Variants in SFMBT2 observed in about 807,000 individuals in gnomAD.
The protein encoded by SFMBT2 is scm-like with four MBT domains protein 2.
In SFMBT2, 38 loss-of-function variants were observed where a neutral mutation model predicts 110.1. The observed-to-expected ratio is 0.35, with a 90% CI of 0.27 to 0.45. The LOEUF (loss-of-function observed/expected upper bound fraction) is 0.45. Among genes scored for constraint, SFMBT2 ranks in the 20% least tolerant of loss-of-function variants. SFMBT2 has a pLI of 1.00. For missense variants in SFMBT2, 1,011 were observed against 1,094.9 expected (o/e 0.92, Z 1.08); for synonymous variants, 425 against 425.4 (o/e 1.00, Z 0.01).
In SFMBT2 at chr10:7,367,694, C is replaced by G; in HGVS notation, c.391G>C (p.Val131Leu). 1 of 1,613,882 alleles carries G rather than the reference C, an allele frequency of 6.2e-7. No homozygotes were observed. Among genetic ancestry groups the G allele is most frequent in the Non-Finnish European group, 8.5e-7 (1 of 1,180,044 alleles). ...CDVVIADLHPVGWCTQNNKVL... is the reference protein window; with the variant it reads ...CDVVIADLHPLGWCTQNNKVL... Reference sequence around the variant, plus strand: ...TTGTTGTTCTGTGTGCACCACCCCACGGGGTGCAAATCCGCGATGACTACG... The same window carrying G: ...TTGTTGTTCTGTGTGCACCACCCCAGGGGGTGCAAATCCGCGATGACTACG... The change falls in exon 4 of 21, where the codon GTG (valine) becomes CTG (leucine). Residue 131 changes from valine to leucine, a missense_variant. Around this residue, in one of 2 missense-constraint regions of SFMBT2, gnomAD observed 979 missense variants for 1,016.1 expected, o/e 0.96. Transcript: ENST00000397167. The surrounding 1 kb of genome is among the most constrained non-coding windows in gnomAD (Gnocchi z 6.2).
chr10:7,313,937 C>A (rs752174523), intron 4 of SFMBT2, among the ~76,000 whole-genome samples: 23 of 152,160 alleles, frequency 1.5e-4, no homozygotes, highest in Non-Finnish European at 2.4e-4. Context: ...AGCTTTTCTG[C>A]AGTTATTTCT....
intron 4 of SFMBT2, among the ~76,000 whole-genome samples, chr10:7,315,967 A>G (rs1842999930): frequency 6.6e-6 from 1 of 152,212 alleles, no homozygotes; most frequent in South Asian, 2.1e-4. Context: ...GCTAATCTAT[A>G]CAACACAGGG....
chr10:7,384,465 A>T (rs1281571246), intron 1 of SFMBT2, among the ~76,000 whole-genome samples: 3 of 114,434 alleles, frequency 2.6e-5, no homozygotes, highest in Non-Finnish European at 5.2e-5. Context: ...TGAAAATGAA[A>T]TTTTTTAAAT....
chr10:7,213,222 C>G (rs984349484), intron 11 of SFMBT2, among the ~76,000 whole-genome samples: 1 of 146,060 alleles, frequency 6.8e-6, no homozygotes, highest in African/African-American at 2.6e-5. Flanking sequence ...GTTCTGCACA[C>G]GTATCCCAGA....
At chr10:7,358,719 A>AATGAAGGCC (rs2132031038) in intron 4 of SFMBT2, among the ~76,000 whole-genome samples, 1 of 151,504 alleles carries the variant, frequency 6.6e-6, no homozygotes, top group Non-Finnish European at 1.5e-5. Context: ...GAATGAAGGC[A>AATGAAGGCC]TGGCTCTTGA....
chr10:7,391,251 A>G (rs1241422633), intron 1 of SFMBT2, among the ~76,000 whole-genome samples: 2 of 151,924 alleles, frequency 1.3e-5, no homozygotes, highest in Non-Finnish European at 2.9e-5. Context: ...GTGGATCACG[A>G]GGTCAGGAGT....
intron 20 of SFMBT2, among the ~76,000 whole-genome samples, chr10:7,168,571 C>T (rs114973204): frequency 0.014 from 2,072 of 152,312 alleles, 44 homozygotes; most frequent in African/African-American, 0.048. Context: ...GCGTGATCAG[C>T]GCAACCAAAC....
rs1441172547 is a variant in SFMBT2, at chr10:7,381,934, C to T, written c.-36G>A. 2 of 1,521,744 alleles carry T rather than the reference C, an allele frequency of 1.3e-6. No homozygotes were observed. Among genetic ancestry groups the T allele is most frequent in the South Asian group, 1.3e-5 (1 of 76,042 alleles). 94.3% of individuals were successfully genotyped at this position (1,521,744 alleles called of 1,614,324 possible). A position where few individuals can be genotyped will look rare whatever the true frequency, so the allele number is the denominator to read the frequency against. Reference sequence around the variant, plus strand: ...CAAGTGTCTCTTCTCTTAATTCATCCTGCAGAAAAAATTACCTAAGAGCAA... The same window carrying T: ...CAAGTGTCTCTTCTCTTAATTCATCTTGCAGAAAAAATTACCTAAGAGCAA... On this transcript the variant is annotated 5_prime_UTR_variant, in exon 2 of 21. Transcript: ENST00000397167.
intron 7 of SFMBT2, among the ~76,000 whole-genome samples, chr10:7,262,707 C>T (rs998436448): frequency 1.3e-5 from 2 of 152,216 alleles, no homozygotes; most frequent in Non-Finnish European, 2.9e-5. Context: ...CAAGCAGCTG[C>T]GATGGCGAAC....
At position 7,263,685 on chromosome 10, in the gene SFMBT2, A is replaced by G. The variant is rs1279404084; in HGVS notation, c.870+13207T>C. On this transcript the variant is annotated intron_variant, in intron 7 of 20. Coordinates refer to ENST00000397167, the MANE Select transcript of SFMBT2 (RefSeq NM_001387889.1). ...ATATGGGCTTAAGGCAAATGCCTGGAGAATGTAAGTGTCCCACCTGAAGGC... is the reference window on the plus strand; with the variant it reads ...ATATGGGCTTAAGGCAAATGCCTGGGGAATGTAAGTGTCCCACCTGAAGGC... 2.0e-5 allele frequency among the ~76,000 whole-genome samples: 3 copies of G among 152,240 alleles called. No homozygotes were observed. In the East Asian group the frequency reaches 5.8e-4, roughly 29 times the overall value.
chr10:7,342,267 A>G (rs943653397), intron 4 of SFMBT2, among the ~76,000 whole-genome samples: 1 of 152,156 alleles, frequency 6.6e-6, no homozygotes, highest in African/African-American at 2.4e-5. Context: ...TACTGCCAAT[A>G]TGTTAAGCAC....
At chr10:7,225,304 T>G (rs1839867158) in intron 10 of SFMBT2, among the ~76,000 whole-genome samples, 1 of 152,222 alleles carries the variant, frequency 6.6e-6, no homozygotes, top group Non-Finnish European at 1.5e-5. Context: ...TGTCGATTCC[T>G]TTCATAACAG....
rs762601453 is a variant in SFMBT2 at position 7,227,928 on chromosome 10, C to T, written c.1130G>A (p.Gly377Asp). The change falls in exon 10 of 21, where the codon GGC (glycine) becomes GAC (aspartate). Residue 377 changes from glycine to aspartate, a missense_variant. By Grantham distance (94) the Gly-to-Asp change is moderately conservative. Around this residue, in one of 2 missense-constraint regions of SFMBT2, gnomAD observed 979 missense variants for 1,016.1 expected, o/e 0.96. Transcript: ENST00000397167. The stretch of plus-strand genomic sequence containing the variant: ...ATAATCTGCCCAGTCGAAGTCCTGG[C>T]CAGAGTAACCTGGGAATGACAAAAC... ...VSLTPPKGYS[G>D]QDFDWADYHK... is the part of the protein sequence containing the mutation. 1.4e-5 allele frequency: 23 copies of T among 1,590,424 alleles called. No individual in the cohort carries two copies. The highest frequency in any genetic ancestry group is 1.6e-5 in the Non-Finnish European group (19 of 1,172,482).
intron 15 of SFMBT2, among the ~76,000 whole-genome samples, chr10:7,197,327 A>G (rs1488482798): frequency 6.6e-6 from 1 of 152,164 alleles, no homozygotes; most frequent in Non-Finnish European, 1.5e-5. Context: ...GGGAAGGCAG[A>G]TGTGTGTCCC....
chr10:7,228,316 G>T, intron 9 of SFMBT2: 1 of 686,578 alleles, frequency 1.5e-6, no homozygotes, highest in Non-Finnish European at 1.8e-6. Flanking sequence ...CTGAGTTCGT[G>T]GGAGCTTACT....
At chr10:7,201,285 G>A (rs901962800) in intron 13 of SFMBT2, among the ~76,000 whole-genome samples, 13 of 152,182 alleles carry the variant, frequency 8.5e-5, no homozygotes, top group Admixed American at 6.5e-4. Context: ...GCCCCATCTC[G>A]GACATTCTGA....
At chr10:7,250,798 C>T (rs1374971009) in intron 7 of SFMBT2, among the ~76,000 whole-genome samples, 1 of 152,118 alleles carries the variant, frequency 6.6e-6, no homozygotes, top group East Asian at 1.9e-4. Context: ...GACGGTATCT[C>T]CTTGTGGTTT....
chr10:7,171,401 G>A lies in SFMBT2; in HGVS notation c.2416-345C>T, dbSNP rs748010516. 9 of 985,324 alleles carry A rather than the reference G, an allele frequency of 9.1e-6. No individual in the cohort carries two copies. Among genetic ancestry groups the A allele is most frequent in the Non-Finnish European group, 9.6e-6 (8 of 829,924 alleles). 61.0% of individuals were successfully genotyped at this position (985,324 alleles called of 1,614,324 possible). A position where few individuals can be genotyped will look rare whatever the true frequency, so the allele number is the denominator to read the frequency against. On this transcript the variant is annotated intron_variant, in intron 19 of 20. Coordinates refer to ENST00000397167, the MANE Select transcript of SFMBT2 (RefSeq NM_001387889.1). This position sits in a 1 kb window ranked among gnomAD's most constrained non-coding sequence, Gnocchi z 4.9. ...ACAAGGGGCACGTCCAAGCAGACACGAGACAGTGTCCCCCAGTGTTTCTGT... is the reference window on the plus strand; with the variant it reads ...ACAAGGGGCACGTCCAAGCAGACACAAGACAGTGTCCCCCAGTGTTTCTGT...
intron 1 of SFMBT2, among the ~76,000 whole-genome samples, chr10:7,401,064 T>C (rs1379125899): frequency 2.0e-5 from 3 of 151,478 alleles, no homozygotes; most frequent in African/African-American, 7.3e-5. Context: ...GCCCGGGAAA[T>C]GGAGATTGCA....
Sources: allele counts gnomAD v4.1 joint callset (sites outside exome capture counted in the v4.1 genomes callset), GRCh38; gene constraint gnomAD v4.1.1; regional missense constraint gnomAD v4.1.1; non-coding constraint Gnocchi (gnomAD v3.1); transcripts MANE v1.5; gene names NCBI Gene and HGNC (gene_info 2026-07-23, HGNC 2026-07-21).